The following RCL1 variants were observed in gnomAD, a reference collection of about 807,000 sequenced individuals.
RCL1 encodes RNA terminal phosphate cyclase like 1.
A neutral mutation model predicts 42.4 loss-of-function variants in RCL1; 24 were observed. The observed-to-expected ratio is 0.57, with a 90% CI of 0.41 to 0.80. The LOEUF is 0.80. Ranked by LOEUF, RCL1 falls within the 30% of genes least tolerant of loss-of-function variation. The pLI is 0.00. For synonymous variants in RCL1, 228 were observed against 177.3 expected (o/e 1.29, Z -2.27); for missense variants, 578 against 467.9 (o/e 1.24, Z -2.17).
At chr9:4,855,080 A>G (rs1817899767) in intron 8 of RCL1, among the ~76,000 whole-genome samples, 1 of 149,734 alleles carries the variant, frequency 6.7e-6, no homozygotes, top group South Asian at 2.1e-4. Context: ...AAAATAGGAA[A>G]AGTTATCTCT....
At chr9:4,841,410 T>C (rs200830077) in intron 6 of RCL1, 53 bp downstream of exon 6, 3 of 1,462,870 alleles carry the variant, frequency 2.1e-6, no homozygotes, top group African/African-American at 2.8e-5. Flanking sequence ...ACATGCCTGT[T>C]CTAGTTGAAG....
At chr9:4,851,236 C>T (rs1251181031) in intron 8 of RCL1, among the ~76,000 whole-genome samples, 1 of 152,130 alleles carries the variant, frequency 6.6e-6, no homozygotes, top group Admixed American at 6.5e-5. Context: ...AAAACAGTGT[C>T]CTGCTCTGAA....
chr9:4,841,184 T>C lies in RCL1; in HGVS notation c.585-48T>C, dbSNP rs760862705. 3 of 1,610,332 alleles carry C rather than the reference T, an allele frequency of 1.9e-6. No homozygotes were observed. In the Admixed American group the frequency reaches 5.0e-5, roughly 27 times the overall value. ...TTGCCAGCTTTATAACTGATTTTTCTCTGTCCTGGAATTCAAGCAGAATGA... is the reference window on the plus strand; with the variant it reads ...TTGCCAGCTTTATAACTGATTTTTCCCTGTCCTGGAATTCAAGCAGAATGA... On this transcript the variant is annotated intron_variant, in intron 5 of 8. Transcript: ENST00000381750.
chr9:4,805,243 T>C (rs75249086), intron 1 of RCL1, among the ~76,000 whole-genome samples: 5,288 of 151,354 alleles, frequency 0.035, 270 homozygotes, highest in African/African-American at 0.12. Flanking sequence ...AACCAAAAAC[T>C]TTGGTTGGTG....
intron 4 of RCL1, 79 bp downstream of exon 4, chr9:4,833,307 T>A: frequency 9.7e-7 from 1 of 1,034,706 alleles, no homozygotes; most frequent in Non-Finnish European, 1.5e-6. Context: ...GCTGTGTGAC[T>A]CAGTGTATGT....
intron 1 of RCL1, among the ~76,000 whole-genome samples, chr9:4,819,377 C>G (rs1418978439): frequency 2.0e-5 from 3 of 152,226 alleles, no homozygotes; most frequent in Admixed American, 1.3e-4. Context: ...TTTAGAGAAT[C>G]TTTGAATTAA....
chr9:4,846,398 G>C (rs1272512146), intron 7 of RCL1, among the ~76,000 whole-genome samples: 6 of 152,208 alleles, frequency 3.9e-5, no homozygotes, highest in Non-Finnish European at 8.8e-5. Flanking sequence ...GACAAGTCTT[G>C]TGCAGTCACG....
At chr9:4,808,334 G>T (rs911913484) in intron 1 of RCL1, among the ~76,000 whole-genome samples, 4 of 151,810 alleles carry the variant, frequency 2.6e-5, no homozygotes, top group Non-Finnish European at 5.9e-5. Context: ...TTAAGACAGG[G>T]TCTCCTTCTT....
At chr9:4,796,729 T>C (rs1322897239) in intron 1 of RCL1, among the ~76,000 whole-genome samples, 2 of 152,200 alleles carry the variant, frequency 1.3e-5, no homozygotes, top group African/African-American at 2.4e-5. Context: ...GGCTGTGTAG[T>C]ATTCCATAGT....
chr9:4,815,657 T>A (rs1306278722), intron 1 of RCL1, among the ~76,000 whole-genome samples: 1 of 152,014 alleles, frequency 6.6e-6, no homozygotes, highest in Admixed American at 6.6e-5. Flanking sequence ...GAGTTTTTGC[T>A]GCTTGCTCCT....
At chr9:4,797,971 C>T (rs1029165878) in intron 1 of RCL1, among the ~76,000 whole-genome samples, 1 of 152,180 alleles carries the variant, frequency 6.6e-6, no homozygotes, top group African/African-American at 2.4e-5. Flanking sequence ...TTAAGTTTAT[C>T]TCATTGTACT....
intron 1 of RCL1, among the ~76,000 whole-genome samples, chr9:4,794,244 G>T (rs1394089528): frequency 6.6e-6 from 1 of 152,180 alleles, no homozygotes; most frequent in African/African-American, 2.4e-5. Flanking sequence ...TTAGATCTCT[G>T]CCTCTCTTGG....
chr9:4,839,508 T>G (rs993038923), intron 5 of RCL1: 21 of 187,890 alleles, frequency 1.1e-4, no homozygotes, highest in Non-Finnish European at 1.7e-4. Context: ...TCTTGTGCTT[T>G]CCTGGGGACA....
At chr9:4,801,830 G>T (rs1843006043) in intron 1 of RCL1, among the ~76,000 whole-genome samples, 1 of 150,800 alleles carries the variant, frequency 6.6e-6, no homozygotes, top group Non-Finnish European at 1.5e-5. Context: ...AATCAGTTCA[G>T]CATTTTTGTG....
intron 6 of RCL1, 30 bp from the exon 7 acceptor site, chr9:4,844,495 T>G: frequency 6.3e-7 from 1 of 1,578,524 alleles, no homozygotes; most frequent in Non-Finnish European, 8.6e-7. Flanking sequence ...TGGTTAAACC[T>G]ACTCAGTGTT....
chr9:4,799,416 G>A (rs1055300162), intron 1 of RCL1, among the ~76,000 whole-genome samples: 2 of 152,098 alleles, frequency 1.3e-5, no homozygotes, highest in African/African-American at 2.4e-5. Context: ...TTCCCCCAAT[G>A]GTGATATATG....
chr9:4,851,247 T>C (rs936835248), intron 8 of RCL1, among the ~76,000 whole-genome samples: 3 of 152,210 alleles, frequency 2.0e-5, no homozygotes, highest in African/African-American at 7.2e-5. Flanking sequence ...CTGCTCTGAA[T>C]GGAGCTTTAA....
intron 7 of RCL1, among the ~76,000 whole-genome samples, chr9:4,847,430 A>T (rs1423728986): frequency 6.6e-6 from 1 of 152,022 alleles, no homozygotes; most frequent in African/African-American, 2.4e-5. Flanking sequence ...CTCTGATCTA[A>T]TCCCCCCTGT....
chr9:4,847,941 C>G (rs1817578380), intron 7 of RCL1, among the ~76,000 whole-genome samples: 1 of 152,214 alleles, frequency 6.6e-6, no homozygotes, highest in African/African-American at 2.4e-5. Flanking sequence ...TAAAGCCCTC[C>G]TCAGGTATCT....
Sources: allele counts gnomAD v4.1 joint callset (sites outside exome capture counted in the v4.1 genomes callset), GRCh38; gene constraint gnomAD v4.1.1; transcripts MANE v1.5; gene names NCBI Gene and HGNC (gene_info 2026-07-23, HGNC 2026-07-21).